PTPRD: variants seen among roughly 807,000 people sequenced by gnomAD.
PTPRD encodes protein tyrosine phosphatase receptor type D.
PTPRD carries 34 observed loss-of-function variants against 214.5 expected under a neutral mutation model. The ratio of observed to expected loss-of-function variants is 0.16; its 90% CI spans 0.12 to 0.21. The LOEUF (loss-of-function observed/expected upper bound fraction) is 0.21, where lower values mean the gene tolerates loss of function less well. Among genes scored for constraint, PTPRD ranks in the 10% least tolerant of loss-of-function variants. The probability of loss-of-function intolerance (pLI) is 1.00; values close to 1 mark genes in which losing one functional copy is unlikely to be tolerated. For synonymous variants in PTPRD, 1,128 were observed against 845.7 expected, an observed-to-expected ratio of 1.33 and a Z score of -5.79; for missense variants, 2,545 against 2,398.7, an observed-to-expected ratio of 1.06 and a Z score of -1.27.
At chr9:8,755,459 G>A (rs1407708269) in intron 11 of PTPRD, among the ~76,000 whole-genome samples, 1 of 150,940 alleles carries the variant, frequency 6.6e-6, no homozygotes, top group African/African-American at 2.4e-5. Context: ...AACCTGGCAG[G>A]CAGAGGTTGC....
chr9:8,919,854 C>A (rs1408574732), intron 11 of PTPRD, among the ~76,000 whole-genome samples: 1 of 151,004 alleles, frequency 6.6e-6, no homozygotes, highest in Non-Finnish European at 1.5e-5. Context: ...ATGTATCATG[C>A]ATACATAGAT....
intron 7 of PTPRD, among the ~76,000 whole-genome samples, chr9:9,624,917 T>C (rs1030005587): frequency 6.6e-6 from 1 of 152,148 alleles, no homozygotes; most frequent in African/African-American, 2.4e-5. Context: ...GGTTACTTAT[T>C]AAGTGTGCTT....
intron 5 of PTPRD, among the ~76,000 whole-genome samples, chr9:9,839,280 C>T (rs1215821284): frequency 1.3e-5 from 2 of 152,206 alleles, no homozygotes; most frequent in Admixed American, 6.5e-5. Flanking sequence ...TTGCAGATGA[C>T]ATGATTGTAT....
intron 3 of PTPRD, among the ~76,000 whole-genome samples, chr9:10,218,868 A>T (rs1444220466): frequency 6.6e-6 from 1 of 151,866 alleles, no homozygotes; most frequent in Non-Finnish European, 1.5e-5. Context: ...GAAACAAAAT[A>T]AAATGTTCAT....
At chr9:8,589,128 G>A (rs868580227) in intron 14 of PTPRD, among the ~76,000 whole-genome samples, 16 of 152,234 alleles carry the variant, frequency 1.1e-4, no homozygotes, top group South Asian at 4.1e-4. Context: ...TAGCGCAAAG[G>A]AAAATGTTGC....
At chr9:9,538,041 G>C (rs1271115460) in intron 8 of PTPRD, among the ~76,000 whole-genome samples, 2 of 151,778 alleles carry the variant, frequency 1.3e-5, no homozygotes, top group Non-Finnish European at 2.9e-5. Flanking sequence ...AAACTAAACA[G>C]AATCTGGACT....
chr9:8,851,106 C>T (rs1438795642), intron 11 of PTPRD, among the ~76,000 whole-genome samples: 1 of 151,950 alleles, frequency 6.6e-6, no homozygotes, highest in East Asian at 1.9e-4. Flanking sequence ...CAGGCACCCA[C>T]CATCCATCAT....
intron 9 of PTPRD, among the ~76,000 whole-genome samples, chr9:9,328,539 A>G (rs1405058225): frequency 2.0e-5 from 3 of 147,894 alleles, no homozygotes; most frequent in African/African-American, 7.5e-5. Flanking sequence ...ATGTGTTTAT[A>G]TTGAAATCTC....
At chr9:9,240,008 G>T (rs913497470) in intron 9 of PTPRD, among the ~76,000 whole-genome samples, 2 of 152,224 alleles carry the variant, frequency 1.3e-5, no homozygotes, top group African/African-American at 4.8e-5. Flanking sequence ...CACAGATTTG[G>T]ATTGGTTTCA....
chr9:9,038,247 T>C (rs1002257587), intron 10 of PTPRD, among the ~76,000 whole-genome samples: 48 of 152,128 alleles, frequency 3.2e-4, no homozygotes, highest in African/African-American at 1.2e-3. Context: ...GTATGTTTGA[T>C]AGCACGTTAA....
intron 9 of PTPRD, among the ~76,000 whole-genome samples, chr9:9,385,500 T>C (rs1158561085): frequency 6.6e-6 from 1 of 152,164 alleles, no homozygotes; most frequent in African/African-American, 2.4e-5. Context: ...AAACCAATCC[T>C]TTCATATATA....
chr9:9,942,323 A>C (rs1175887477), intron 4 of PTPRD, among the ~76,000 whole-genome samples: 2 of 152,176 alleles, frequency 1.3e-5, no homozygotes, highest in African/African-American at 4.8e-5. Context: ...GTAAATAAAA[A>C]GCATCTTCAT....
chr9:8,506,913 A>G (rs1254106778), intron 22 of PTPRD, among the ~76,000 whole-genome samples: 1 of 152,160 alleles, frequency 6.6e-6, no homozygotes, highest in African/African-American at 2.4e-5. Context: ...TAACATATAG[A>G]GCTAATTTAG....
At chr9:9,140,621 C>T (rs1317511946) in intron 10 of PTPRD, among the ~76,000 whole-genome samples, 1 of 152,240 alleles carries the variant, frequency 6.6e-6, no homozygotes, top group African/African-American at 2.4e-5. Context: ...CTCTGTCGCC[C>T]AGGCTGGAGT....
At chr9:9,741,045 G>T (rs2098394239) in intron 6 of PTPRD, among the ~76,000 whole-genome samples, 1 of 152,168 alleles carries the variant, frequency 6.6e-6, no homozygotes, top group African/African-American at 2.4e-5. Context: ...GCAATTTGAA[G>T]ATAAGGCAAA....
intron 11 of PTPRD, among the ~76,000 whole-genome samples, chr9:8,788,563 C>A (rs1599806394): frequency 6.6e-6 from 1 of 152,160 alleles, no homozygotes; most frequent in South Asian, 2.1e-4. Flanking sequence ...GCATGAGCCA[C>A]TGCGCCCGGC....
chr9:8,377,373 T>A (rs181720403), intron 37 of PTPRD, among the ~76,000 whole-genome samples: 3 of 152,058 alleles, frequency 2.0e-5, no homozygotes, highest in Admixed American at 1.3e-4. Flanking sequence ...TTAAAATTCA[T>A]CCAAGATGAA....
chr9:10,168,867 T>C (rs1279605124), intron 3 of PTPRD, among the ~76,000 whole-genome samples: 1 of 152,188 alleles, frequency 6.6e-6, no homozygotes, highest in Non-Finnish European at 1.5e-5. Flanking sequence ...CAATTAAATC[T>C]AAAATGTTTA....
intron 3 of PTPRD, among the ~76,000 whole-genome samples, chr9:10,179,197 A>G (rs2099267387): frequency 6.6e-6 from 1 of 151,996 alleles, no homozygotes; most frequent in Admixed American, 6.6e-5. Context: ...CTAAAGTAAC[A>G]TTTAAATATT....
Sources: gnomAD v4.1 joint callset for allele counts (sites outside exome capture counted in the v4.1 genomes callset) on GRCh38, gnomAD v4.1.1 for gene constraint, MANE v1.5 for transcripts, NCBI Gene and HGNC (gene_info 2026-07-23, HGNC 2026-07-21) for gene names.